NLGN4X: variants seen among roughly 807,000 people sequenced by gnomAD.
NLGN4X encodes the protein neuroligin-4, X-linked.
NLGN4X carries 3 observed loss-of-function variants against 40.3 expected under a neutral mutation model. That is an observed-to-expected ratio of 0.07 (90% confidence interval 0.03 to 0.19). The LOEUF is 0.19. Among genes scored for constraint, NLGN4X ranks in the 10% least tolerant of loss-of-function variants. NLGN4X has a pLI of 1.00. For missense variants in NLGN4X, 382 were observed against 708.3 expected (o/e 0.54, Z 5.23); for synonymous variants, 270 against 306.8 (o/e 0.88, Z 1.25).
At position 5,896,170 on chromosome X, in the gene NLGN4X, C is replaced by T. The variant is rs531817193; in HGVS notation, c.1602-2504G>A. On this transcript the variant is annotated intron_variant, in intron 5 of 5. Transcript: ENST00000381095. ...AGGAGTATTCTGTTCATGTTGGGTA[C>T]AAGGCTATTTTCGAAGGAACTCAGG... Among the ~76,000 whole-genome samples the T allele has an allele frequency of 1.1e-4, 12 of 111,575 alleles. No homozygotes were observed. The South Asian group carries it at 4.5e-3, about 42-fold the overall frequency.
At chrX:6,062,784 G>T (rs1047422660) in intron 2 of NLGN4X, among the ~76,000 whole-genome samples, 2 of 111,028 alleles carry the variant, frequency 1.8e-5, no homozygotes, top group Non-Finnish European at 3.8e-5. Flanking sequence ...TGTAAGACAT[G>T]ACTTTGCTCC....
At chrX:6,003,563 G>A (rs2036025578) in intron 3 of NLGN4X, among the ~76,000 whole-genome samples, 1 of 111,696 alleles carries the variant, frequency 9.0e-6, no homozygotes, top group Non-Finnish European at 1.9e-5. Context: ...AGGGAGTGCT[G>A]GGAGAGTCTC....
intron 3 of NLGN4X, among the ~76,000 whole-genome samples, chrX:6,024,155 T>A (rs2036624440): frequency 1.8e-5 from 2 of 111,952 alleles, no homozygotes; most frequent in South Asian, 7.5e-4. Flanking sequence ...GTTCTGAAAG[T>A]TTATTACCTG....
At chrX:6,047,771 C>T (rs1357490929) in intron 2 of NLGN4X, among the ~76,000 whole-genome samples, 4 of 111,657 alleles carry the variant, frequency 3.6e-5, no homozygotes, top group African/African-American at 9.8e-5. Context: ...ATTATCTGCC[C>T]ACTCCATCTA....
chrX:6,082,948 G>GTTTTTT (rs930625574), intron 2 of NLGN4X, among the ~76,000 whole-genome samples: 1,290 of 70,257 alleles, frequency 0.018, 136 homozygotes, highest in Non-Finnish European at 0.027. Context: ...GCCATGATGC[G>GTTTTTT]TTTTTTTCTT....
chrX:6,032,226 C>A (rs1202961026), intron 2 of NLGN4X, among the ~76,000 whole-genome samples: 128 of 1,242 alleles, frequency 0.1, 1 homozygote, highest in African/African-American at 0.15. Flanking sequence ...GATATTTCAG[C>A]CCCCCCCCCC....
intron 2 of NLGN4X, among the ~76,000 whole-genome samples, chrX:6,087,926 T>C (rs113187438): frequency 0.054 from 6,015 of 112,142 alleles, 338 homozygotes; most frequent in African/African-American, 0.17. Flanking sequence ...GATGGACTCA[T>C]TTACAAGTTT....
intron 2 of NLGN4X, among the ~76,000 whole-genome samples, chrX:6,069,559 T>A (rs182677843): frequency 1.5e-3 from 166 of 112,097 alleles, no homozygotes; most frequent in African/African-American, 5.2e-3. Context: ...TCCAGACACA[T>A]AAGGTAAGAT....
At chrX:5,916,185 T>C (rs1474870279) in intron 3 of NLGN4X, among the ~76,000 whole-genome samples, 3 of 111,961 alleles carry the variant, frequency 2.7e-5, no homozygotes, top group African/African-American at 9.7e-5. Flanking sequence ...ATGAAAATCT[T>C]TATTCTGATG....
intron 1 of NLGN4X, among the ~76,000 whole-genome samples, chrX:6,185,224 GACC>G (rs1400959312): frequency 8.9e-6 from 1 of 111,959 alleles, no homozygotes; most frequent in Non-Finnish European, 1.9e-5. Context: ...CCTTTGCACT[GACC>G]ACAATTCACA....
At chrX:6,121,476 T>TA (rs1286607233) in intron 2 of NLGN4X, among the ~76,000 whole-genome samples, 1 of 112,117 alleles carries the variant, frequency 8.9e-6, no homozygotes, top group Non-Finnish European at 1.9e-5. Context: ...TGTTGGCAAT[T>TA]AAAAAATCCC....
intron 2 of NLGN4X, among the ~76,000 whole-genome samples, chrX:6,085,071 C>A (rs2038463240): frequency 9.2e-6 from 1 of 108,519 alleles, no homozygotes; most frequent in South Asian, 4.2e-4. Flanking sequence ...TGGATGCACC[C>A]TTAGCTGAGA....
Position 5,956,726 on chromosome X carries a change from T to C in NLGN4X, c.626-47487A>G, listed in dbSNP as rs1569152702. Among the ~76,000 whole-genome samples the C allele has an allele frequency of 3.6e-5, 4 of 111,710 alleles. No individual in the cohort carries two copies. The East Asian group carries it at 1.1e-3, about 31-fold the overall frequency. ...GGGAGGCAGGAGGAGGGAAAACATTTGAAAACTGACAGAAAGCTAAGAAAC... is the reference window on the plus strand; with the variant it reads ...GGGAGGCAGGAGGAGGGAAAACATTCGAAAACTGACAGAAAGCTAAGAAAC... On this transcript the variant is annotated intron_variant, in intron 3 of 5. Transcript: ENST00000381095.
chrX:6,205,893 C>A lies in NLGN4X; in HGVS notation c.-306+22648G>T, dbSNP rs953106229. ...CCTCCTCTTGCCAATTCATATCCAA[C>A]ACTTAACCAGGTCACAATGAAGTTT... On this transcript the variant is annotated intron_variant, in intron 1 of 5. Coordinates refer to ENST00000381095, the MANE Select transcript of NLGN4X (RefSeq NM_181332.3). Among the ~76,000 whole-genome samples, 6 of 112,277 alleles carry A rather than the reference C, an allele frequency of 5.3e-5. No homozygotes were observed. The Admixed American group carries it at 5.7e-4, about 11-fold the overall frequency.
At chrX:6,099,585 C>T (rs2038861385) in intron 2 of NLGN4X, among the ~76,000 whole-genome samples, 1 of 112,123 alleles carries the variant, frequency 8.9e-6, no homozygotes, top group Admixed American at 9.4e-5. Flanking sequence ...ACTATCCATT[C>T]TTACACCATA....
chrX:6,171,741 T>C (rs145739858), intron 1 of NLGN4X, among the ~76,000 whole-genome samples: 298 of 112,275 alleles, frequency 2.7e-3, no homozygotes, highest in African/African-American at 9.2e-3. Flanking sequence ...AAATTCTTGA[T>C]TCTTAATAAG....
At chrX:5,950,094 C>T (rs781410809) in intron 3 of NLGN4X, among the ~76,000 whole-genome samples, 136 of 111,711 alleles carry the variant, frequency 1.2e-3, no homozygotes, top group Middle Eastern at 9.3e-3. Flanking sequence ...AGGCAATAAT[C>T]AATGCCCGGA....
At chrX:6,082,210 T>C (rs2038366554) in intron 2 of NLGN4X, among the ~76,000 whole-genome samples, 1 of 111,967 alleles carries the variant, frequency 8.9e-6, no homozygotes. Context: ...TTGATTATTA[T>C]TTGAAAAAGA....
At chrX:6,041,154 A>T (rs1180710290) in intron 2 of NLGN4X, among the ~76,000 whole-genome samples, 1 of 111,446 alleles carries the variant, frequency 9.0e-6, no homozygotes, top group Non-Finnish European at 1.9e-5. Context: ...TTAGAGGATG[A>T]TATTCCACAT....
Sources: gnomAD v4.1 joint callset for allele counts (sites outside exome capture counted in the v4.1 genomes callset) on GRCh38, gnomAD v4.1.1 for gene constraint, MANE v1.5 for transcripts, NCBI Gene and HGNC (gene_info 2026-07-23, HGNC 2026-07-21) for gene names.